The following CD163L1 variants were observed in gnomAD, a reference collection of about 807,000 sequenced individuals.
The protein encoded by CD163L1 is scavenger receptor cysteine-rich type 1 protein M160.
CD163L1 carries 124 observed loss-of-function variants against 165.4 expected under a neutral mutation model. The observed-to-expected ratio is 0.75, with a 90% CI of 0.65 to 0.87. CD163L1 has a LOEUF of 0.87. Ranked by LOEUF, CD163L1 falls within the 40% of genes least tolerant of loss-of-function variation. CD163L1 has a pLI of 0.00. For missense variants in CD163L1, 1,525 were observed against 1,799.9 expected, an observed-to-expected ratio of 0.85 and a Z score of 2.76; for synonymous variants, 585 against 662.2, an observed-to-expected ratio of 0.88 and a Z score of 1.79.
At chr12:7,386,252 C>T (rs768426541) in intron 8 of CD163L1, among the ~76,000 whole-genome samples, 2 of 151,968 alleles carry the variant, frequency 1.3e-5, no homozygotes, top group African/African-American at 4.8e-5. Flanking sequence ...ATACGATCTG[C>T]CCAAGATTAA....
Position 7,396,265 on chromosome 12 carries a change from G to A in CD163L1, c.1880C>T (p.Pro627Leu). 6.2e-7 allele frequency: 1 copy of A among 1,614,124 alleles called. No individual in the cohort carries two copies. The highest frequency in any genetic ancestry group is 8.5e-7 in the Non-Finnish European group (1 of 1,180,022). Reference protein sequence around the residue: ...AAVVCSQLDCPSSIIGMGLGN... With the variant: ...AAVVCSQLDCLSSIIGMGLGN... ...CAGACCCATGCCAATGATAGAAGAT[G>A]GGCAGTCCAGCTGGCTACACACCAC... The change falls in exon 8 of 20, where the codon CCA becomes CTA. Residue 627 changes from proline (P) to leucine (L), a missense_variant. Physicochemically the swap from Pro to Leu is moderately conservative, Grantham distance 98 (BLOSUM62 -3). Coordinates refer to ENST00000313599, the MANE Select transcript of CD163L1 (RefSeq NM_174941.6).
At chr12:7,403,904 C>G in intron 5 of CD163L1, 49 bp from the exon 6 acceptor site, 1 of 1,514,584 alleles carries the variant, frequency 6.6e-7, no homozygotes, top group Non-Finnish European at 9.1e-7. Flanking sequence ...GGGACAATAT[C>G]ATCAGCATCC....
chr12:7,440,115 A>G (rs923109443), intron 2 of CD163L1: 5 of 757,078 alleles, frequency 6.6e-6, no homozygotes, highest in East Asian at 5.4e-5. Context: ...GCGGGCTTGG[A>G]CCCGCCGCGC....
chr12:7,334,055 A>G, the CD163L1 span, among the ~76,000 whole-genome samples: 1 of 146,832 alleles, frequency 6.8e-6, no homozygotes, highest in Non-Finnish European at 1.5e-5. Flanking sequence ...GAATTCTACC[A>G]GAGGTACAAG....
In CD163L1 at chr12:7,400,210, C is replaced by T. The variant is rs969853321; in HGVS notation, c.1409-1626G>A. ...TTCATTTTCACAAATTACACTGCTACGGACATCCTTACACATAAAGTTTTG... is the reference window on the plus strand; with the variant it reads ...TTCATTTTCACAAATTACACTGCTATGGACATCCTTACACATAAAGTTTTG... On this transcript the variant is annotated intron_variant, in intron 6 of 19. Coordinates refer to ENST00000313599, the MANE Select transcript of CD163L1 (RefSeq NM_174941.6). The surrounding 1 kb of genome is among the most constrained non-coding windows in gnomAD (Gnocchi z 4.1). 1.4e-4 allele frequency among the ~76,000 whole-genome samples: 21 copies of T among 152,260 alleles called. No individual in the cohort carries two copies. Among genetic ancestry groups the T allele is most frequent in the South Asian group, 1.0e-3 (5 of 4,820 alleles).
chr12:7,319,259 T>C, the CD163L1 span, among the ~76,000 whole-genome samples: 2 of 152,044 alleles, frequency 1.3e-5, no homozygotes, highest in African/African-American at 2.4e-5. Flanking sequence ...AATGCCACCA[T>C]TGACCTGACA....
chr12:7,320,068 C>T, the CD163L1 span, among the ~76,000 whole-genome samples: 1 of 152,152 alleles, frequency 6.6e-6, no homozygotes, highest in Non-Finnish European at 1.5e-5. Flanking sequence ...AGAGCCTTCT[C>T]CCAAATACTT....
intron 8 of CD163L1, among the ~76,000 whole-genome samples, chr12:7,395,613 A>G (rs199927861): frequency 6.6e-6 from 1 of 152,066 alleles, no homozygotes; most frequent in East Asian, 1.9e-4. Context: ...AATTATATAA[A>G]CCATAAACCC....
At chr12:7,412,529 A>G (rs1948156092) in intron 4 of CD163L1, among the ~76,000 whole-genome samples, 1 of 152,220 alleles carries the variant, frequency 6.6e-6, no homozygotes, top group Admixed American at 6.5e-5. Flanking sequence ...AACATTTTAG[A>G]AACATGCAAA....
the CD163L1 span, among the ~76,000 whole-genome samples, chr12:7,338,312 A>C: frequency 1.3e-5 from 2 of 152,310 alleles, no homozygotes; most frequent in South Asian, 4.1e-4. Flanking sequence ...TTAAAGTATA[A>C]TTTTTAAAAA....
At chr12:7,382,668 G>A (rs1565785754) in intron 8 of CD163L1, among the ~76,000 whole-genome samples, 1 of 152,116 alleles carries the variant, frequency 6.6e-6, no homozygotes, top group African/African-American at 2.4e-5. Flanking sequence ...GCACAATAGC[G>A]TTGTTCCAGA....
chr12:7,331,085 C>G, the CD163L1 span, among the ~76,000 whole-genome samples: 1 of 152,238 alleles, frequency 6.6e-6, no homozygotes, highest in Admixed American at 6.5e-5. Flanking sequence ...TCACTCCCAC[C>G]ATAATACTGC....
At chr12:7,408,093 A>ATATATATC (rs1555200524) in intron 4 of CD163L1, among the ~76,000 whole-genome samples, 8 of 150,114 alleles carry the variant, frequency 5.3e-5, no homozygotes, top group African/African-American at 1.5e-4. Context: ...ATATATATAT[A>ATATATATC]TCATATATAT....
At chr12:7,371,970 T>G (rs1166265719) in intron 14 of CD163L1, among the ~76,000 whole-genome samples, 3 of 152,074 alleles carry the variant, frequency 2.0e-5, no homozygotes, top group Non-Finnish European at 4.4e-5. Context: ...AGGTGATATC[T>G]GTGTTTTTTT....
rs1948637649 is a variant in CD163L1, at chr12:7,432,041, TG to T, written c.766+374del. Among the ~76,000 whole-genome samples, 1 of 152,148 alleles carries T rather than the reference TG, an allele frequency of 6.6e-6. No homozygotes were observed. Among genetic ancestry groups the T allele is most frequent in the Non-Finnish European group, 1.5e-5 (1 of 68,008 alleles). ...CTTAGTCCTGATGAAATCTAAGTTTTGGTAGCTGGAAAGAATTAGTAAAGTG... is the reference window on the plus strand; with the variant it reads ...CTTAGTCCTGATGAAATCTAAGTTTTGTAGCTGGAAAGAATTAGTAAAGTG... On this transcript the variant is annotated intron_variant, in intron 4 of 19. Transcript: ENST00000313599. This position sits in a 1 kb window ranked among gnomAD's most constrained non-coding sequence, Gnocchi z 4.2.
the CD163L1 span, chr12:7,322,513 T>C: frequency 1.2e-6 from 2 of 1,613,850 alleles, no homozygotes; most frequent in South Asian, 1.1e-5. Context: ...GGGCTGGAGC[T>C]ATATGAGGGC....
intron 8 of CD163L1, among the ~76,000 whole-genome samples, chr12:7,382,565 C>T (rs950274949): frequency 6.6e-6 from 1 of 152,172 alleles, no homozygotes; most frequent in East Asian, 1.9e-4. Context: ...TAGCAGTCCA[C>T]ATTCCCACTG....
At chr12:7,421,077 A>ATATATACGTATATATGTATATATACG (rs1565808970) in intron 4 of CD163L1, among the ~76,000 whole-genome samples, 1,735 of 102,974 alleles carry the variant, frequency 0.017, 61 homozygotes, top group African/African-American at 0.069. Flanking sequence ...ATATATACGT[A>ATATATACGTATATATGTATATATACG]TATATATACG....
chr12:7,369,429 A>G lies in CD163L1; in HGVS notation c.3967T>C (p.Trp1323Arg). The change falls in exon 15 of 20, where the codon TGG (tryptophan) becomes CGG (arginine). Residue 1323 changes from tryptophan to arginine, a missense_variant. By Grantham distance (101) the Trp-to-Arg change is moderately radical. Coordinates refer to ENST00000313599, the MANE Select transcript of CD163L1 (RefSeq NM_174941.6). This position sits in a 1 kb window ranked among gnomAD's most constrained non-coding sequence, Gnocchi z 4.9. ...MRCKGNESFLWDCHAKPWGQS... is the reference protein window; with the variant it reads ...MRCKGNESFLRDCHAKPWGQS... ...CCCCAGGGTTTGGCGTGACAGTCCC[A>G]TAGAAATGACTCATTTCCTTTGCAC... 2 of 1,614,162 alleles carry G rather than the reference A, an allele frequency of 1.2e-6. No individual in the cohort carries two copies. Among genetic ancestry groups the G allele is most frequent in the East Asian group, 4.5e-5 (2 of 44,882 alleles).
Sources: allele counts gnomAD v4.1 joint callset (sites outside exome capture counted in the v4.1 genomes callset), GRCh38; gene constraint gnomAD v4.1.1; non-coding constraint Gnocchi (gnomAD v3.1); transcripts MANE v1.5; gene names NCBI Gene and HGNC (gene_info 2026-07-23, HGNC 2026-07-21).